ADAMTS12: variants seen among roughly 807,000 people sequenced by gnomAD.
The protein encoded by ADAMTS12 is ADAM metallopeptidase with thrombospondin type 1 motif 12, also known as A disintegrin and metalloproteinase with thrombospondin motifs 12.
ADAMTS12 carries 118 observed loss-of-function variants against 167.8 expected under a neutral mutation model. That is an observed-to-expected ratio of 0.70 (90% CI 0.61 to 0.82). ADAMTS12 has a LOEUF of 0.82. Ranked by LOEUF, ADAMTS12 falls within the 40% of genes least tolerant of loss-of-function variation. The probability of loss-of-function intolerance (pLI) is 0.00; values close to 1 mark genes in which losing one functional copy is unlikely to be tolerated. For missense variants in ADAMTS12, 1,916 were observed against 1,998.8 expected, an observed-to-expected ratio of 0.96 and a Z score of 0.79; for synonymous variants, 704 against 716.9, an observed-to-expected ratio of 0.98 and a Z score of 0.29.
chr5:33,858,824 G>C (rs1749502855), intron 2 of ADAMTS12, among the ~76,000 whole-genome samples: 1 of 151,926 alleles, frequency 6.6e-6, no homozygotes, highest in Admixed American at 6.6e-5. Flanking sequence ...TCATCTCATT[G>C]GGACTGGTTA....
chr5:33,786,797 T>TTCAC (rs1185560759), intron 2 of ADAMTS12, among the ~76,000 whole-genome samples: 1 of 152,190 alleles, frequency 6.6e-6, no homozygotes, highest in Non-Finnish European at 1.5e-5. Flanking sequence ...TGACCTTTTA[T>TTCAC]TCACATCTCC....
chr5:33,812,363 C>T (rs928612847), intron 2 of ADAMTS12, among the ~76,000 whole-genome samples: 2 of 152,116 alleles, frequency 1.3e-5, no homozygotes, highest in African/African-American at 4.8e-5. Flanking sequence ...CAGTTTTAGG[C>T]AAGTTGGTTT....
intron 3 of ADAMTS12, among the ~76,000 whole-genome samples, chr5:33,747,819 T>C (rs970191980): frequency 6.6e-6 from 1 of 152,160 alleles, no homozygotes; most frequent in Non-Finnish European, 1.5e-5. Context: ...CTATATATTA[T>C]AAAGATAAAA....
chr5:33,774,031 A>C (rs1265111281), intron 2 of ADAMTS12, among the ~76,000 whole-genome samples: 1 of 152,134 alleles, frequency 6.6e-6, no homozygotes, highest in East Asian at 1.9e-4. Context: ...ACTTCCATTT[A>C]AAGTAATGGG....
chr5:33,751,118 G>T, intron 3 of ADAMTS12: 1 of 479,898 alleles, frequency 2.1e-6, no homozygotes, highest in East Asian at 3.2e-5. Context: ...CATTGTAAAT[G>T]TCTTATGAGC....
intron 2 of ADAMTS12, among the ~76,000 whole-genome samples, chr5:33,854,231 A>G (rs1749322466): frequency 6.6e-6 from 1 of 152,242 alleles, no homozygotes. Context: ...GACATTTTCA[A>G]AAGGGATTAG....
chr5:33,593,063 G>T (rs766963835), intron 17 of ADAMTS12, among the ~76,000 whole-genome samples: 4 of 152,162 alleles, frequency 2.6e-5, no homozygotes, highest in Non-Finnish European at 5.9e-5. Flanking sequence ...GATCACTTGA[G>T]GTCAGGAGTT....
At chr5:33,723,182 T>C (rs1030263189) in intron 3 of ADAMTS12, among the ~76,000 whole-genome samples, 7 of 152,190 alleles carry the variant, frequency 4.6e-5, no homozygotes, top group Non-Finnish European at 8.8e-5. Context: ...CCCCTCCCCA[T>C]TTTACTGTCA....
chr5:33,822,947 C>A (rs575611626), intron 2 of ADAMTS12, among the ~76,000 whole-genome samples: 1 of 151,792 alleles, frequency 6.6e-6, no homozygotes, highest in Non-Finnish European at 1.5e-5. Context: ...AAAAAATTAG[C>A]CAGATGTGAT....
At chr5:33,826,465 T>A (rs1748073271) in intron 2 of ADAMTS12, among the ~76,000 whole-genome samples, 1 of 152,124 alleles carries the variant, frequency 6.6e-6, no homozygotes, top group African/African-American at 2.4e-5. Flanking sequence ...TATGTATGCA[T>A]ACATGTATGT....
intron 2 of ADAMTS12, among the ~76,000 whole-genome samples, chr5:33,754,344 T>C (rs1376713444): frequency 6.6e-6 from 1 of 152,186 alleles, no homozygotes; most frequent in Non-Finnish European, 1.5e-5. Context: ...GGAAATGGAA[T>C]TGAGGAAAAA....
At chr5:33,850,342 C>T (rs1278955028) in intron 2 of ADAMTS12, among the ~76,000 whole-genome samples, 4 of 152,150 alleles carry the variant, frequency 2.6e-5, no homozygotes, top group East Asian at 3.8e-4. Context: ...CTGGCCACGG[C>T]GACCTCTGGG....
intron 2 of ADAMTS12, among the ~76,000 whole-genome samples, chr5:33,754,092 T>C (rs1225893535): frequency 6.6e-6 from 1 of 152,140 alleles, no homozygotes; most frequent in African/African-American, 2.4e-5. Context: ...GTACATCTAG[T>C]ACCCAGGTGG....
intron 14 of ADAMTS12, among the ~76,000 whole-genome samples, chr5:33,619,982 T>C (rs959161128): frequency 1.6e-4 from 25 of 152,334 alleles, no homozygotes; most frequent in Admixed American, 5.9e-4. Flanking sequence ...CGTGAGCCAC[T>C]GCATCCGGCC....
At chr5:33,678,535 G>C (rs749950525) in intron 5 of ADAMTS12, among the ~76,000 whole-genome samples, 10 of 152,198 alleles carry the variant, frequency 6.6e-5, no homozygotes, top group Non-Finnish European at 1.2e-4. Context: ...CCCCAAGGAA[G>C]TGACACTGGA....
chr5:33,643,658 A>G (rs1269908493), intron 9 of ADAMTS12, among the ~76,000 whole-genome samples, 188 bp from the exon 10 acceptor site: 1 of 152,252 alleles, frequency 6.6e-6, no homozygotes, highest in Non-Finnish European at 1.5e-5. Context: ...GTCATCATTC[A>G]TAAACAATGG....
At chr5:33,599,901 G>A (rs1738104212) in intron 16 of ADAMTS12, among the ~76,000 whole-genome samples, 1 of 152,106 alleles carries the variant, frequency 6.6e-6, no homozygotes, top group Non-Finnish European at 1.5e-5. Flanking sequence ...TGCAAATGCA[G>A]GAAATACAAC....
intron 2 of ADAMTS12, among the ~76,000 whole-genome samples, chr5:33,812,011 T>C (rs889696463): frequency 1.3e-5 from 2 of 152,094 alleles, no homozygotes; most frequent in African/African-American, 4.8e-5. Context: ...AGCAGCTTGG[T>C]GTGGTGTCTC....
chr5:33,702,116 T>G (rs1440883775), intron 3 of ADAMTS12, among the ~76,000 whole-genome samples: 1 of 152,184 alleles, frequency 6.6e-6, no homozygotes, highest in African/African-American at 2.4e-5. Context: ...ACTAAATGAC[T>G]GTATTCACAG....
Sources: allele counts gnomAD v4.1 joint callset (sites outside exome capture counted in the v4.1 genomes callset), GRCh38; gene constraint gnomAD v4.1.1; transcripts MANE v1.5; gene names NCBI Gene and HGNC (gene_info 2026-07-23, HGNC 2026-07-21).